Variants in CHRNA7 observed in about 807,000 individuals in gnomAD.
CHRNA7 encodes cholinergic receptor nicotinic alpha 7 subunit.
CHRNA7 carries 17 observed loss-of-function variants against 48.0 expected under a neutral mutation model. The ratio of observed to expected loss-of-function variants is 0.35; its 90% CI spans 0.24 to 0.53. The LOEUF (loss-of-function observed/expected upper bound fraction) is 0.53, where lower values mean the gene tolerates loss of function less well. CHRNA7 is among the 20% of genes least tolerant of loss of function. The pLI is 0.92. For missense variants in CHRNA7, 155 were observed against 577.7 expected (o/e 0.27, Z 7.50); for synonymous variants, 75 against 242.3 (o/e 0.31, Z 6.41).
intron 2 of CHRNA7, among the ~76,000 whole-genome samples, chr15:32,042,698 T>C (rs1240602744): frequency 6.6e-6 from 1 of 152,202 alleles, no homozygotes; most frequent in Non-Finnish European, 1.5e-5. Flanking sequence ...TGTATGTCCC[T>C]GTTTGTCCCC....
intron 2 of CHRNA7, among the ~76,000 whole-genome samples, chr15:32,098,413 G>A (rs1346281745): frequency 6.6e-6 from 1 of 152,186 alleles, no homozygotes; most frequent in Non-Finnish European, 1.5e-5. Flanking sequence ...CACGGCACCT[G>A]CAGACCTATT....
intron 4 of CHRNA7, among the ~76,000 whole-genome samples, chr15:32,130,334 G>A (rs767661620): frequency 6.6e-5 from 10 of 151,772 alleles, no homozygotes; most frequent in Non-Finnish European, 1.0e-4. Flanking sequence ...CATCAGTTCT[G>A]GGGTCATGTA....
chr15:32,148,960 G>T (rs373204447), intron 4 of CHRNA7, among the ~76,000 whole-genome samples: 1 of 152,170 alleles, frequency 6.6e-6, no homozygotes, highest in Non-Finnish European at 1.5e-5. Flanking sequence ...CTAAGGACAC[G>T]TAGCTTGCGT....
intron 2 of CHRNA7, among the ~76,000 whole-genome samples, chr15:32,068,340 A>G (rs1051046058): frequency 2.0e-5 from 3 of 152,078 alleles, no homozygotes; most frequent in Non-Finnish European, 4.4e-5. Flanking sequence ...TGTAAATTCT[A>G]CTTTATCAGA....
Position 32,149,425 on chromosome 15 carries a change from A to C in CHRNA7, c.351-4482A>C, listed in dbSNP as rs1015927360. On this transcript the variant is annotated intron_variant, in intron 4 of 9. Transcript: ENST00000306901. This position sits in a 1 kb window ranked among gnomAD's most constrained non-coding sequence, Gnocchi z 4.6. ...GTCCTCATAGGGGTTCTGGCCACTCACATTTCCGAGGTTCTTCATTTCCCA... is the reference window on the plus strand; with the variant it reads ...GTCCTCATAGGGGTTCTGGCCACTCCCATTTCCGAGGTTCTTCATTTCCCA... Among the ~76,000 whole-genome samples, 1 of 152,160 alleles carries C rather than the reference A, an allele frequency of 6.6e-6. No homozygotes were observed. Among genetic ancestry groups the C allele is most frequent in the African/African-American group, 2.4e-5 (1 of 41,452 alleles).
chr15:32,074,600 GT>G (rs963638800), intron 2 of CHRNA7, among the ~76,000 whole-genome samples: 2 of 148,912 alleles, frequency 1.3e-5, no homozygotes, highest in African/African-American at 4.9e-5. Flanking sequence ...TCGTCAGATG[GT>G]TTTTTCTGCG....
Position 32,170,642 on chromosome 15 carries a change from TAATA to T in CHRNA7, c.*2187_*2190del, listed in dbSNP as rs1247765706. The T allele has an allele frequency of 8.0e-6, 1 of 125,334 alleles. No individual in the cohort carries two copies. The highest frequency in any genetic ancestry group is 2.7e-5 in the African/African-American group (1 of 36,864). 7.8% of individuals were successfully genotyped at this position (125,334 alleles called of 1,614,324 possible). On this transcript the variant is annotated 3_prime_UTR_variant, in exon 10 of 10. Transcript: ENST00000306901. ...ACTCTCAAATAACTTCTCTGTCCTT[TAATA>T]AAGTAATAATAAGGAATAGATGTGC... is the stretch of plus-strand genomic sequence containing the variant.
chr15:32,115,337 G>A (rs780127410), intron 4 of CHRNA7, among the ~76,000 whole-genome samples: 1 of 152,206 alleles, frequency 6.6e-6, no homozygotes, highest in Admixed American at 6.5e-5. Context: ...TCCGCCATGT[G>A]CCTGCTGAAA....
chr15:32,039,435 C>G (rs773572045), intron 2 of CHRNA7, among the ~76,000 whole-genome samples: 4 of 152,094 alleles, frequency 2.6e-5, no homozygotes, highest in Non-Finnish European at 5.9e-5. Context: ...TTTGCTGCAT[C>G]CCACAAATTT....
intron 2 of CHRNA7, among the ~76,000 whole-genome samples, chr15:32,036,596 G>A (rs986911599): frequency 3.2e-4 from 49 of 152,220 alleles, no homozygotes; most frequent in African/African-American, 1.1e-3. Context: ...TCAGCATTTG[G>A]TGTTGTCAGT....
intron 4 of CHRNA7, among the ~76,000 whole-genome samples, chr15:32,151,758 GA>G (rs1264411250): frequency 6.6e-6 from 1 of 152,078 alleles, no homozygotes; most frequent in African/African-American, 2.4e-5. Flanking sequence ...ACTTTTTTAA[GA>G]AGTGATTTTT....
intron 4 of CHRNA7, among the ~76,000 whole-genome samples, chr15:32,150,975 C>T (rs1016657419): frequency 2.0e-5 from 3 of 152,058 alleles, no homozygotes; most frequent in African/African-American, 7.2e-5. Context: ...TTCATGACAA[C>T]TTGGCTCTCG....
At chr15:32,111,610 C>T in intron 3 of CHRNA7, 180 bp from the exon 4 acceptor site, 1 of 558,284 alleles carries the variant, frequency 1.8e-6, no homozygotes, top group Non-Finnish European at 3.2e-6. Context: ...GTTTTATGCT[C>T]TTCACAGTCA....
intron 3 of CHRNA7, among the ~76,000 whole-genome samples, chr15:32,105,023 C>T (rs1271272030): frequency 6.6e-6 from 1 of 152,202 alleles, no homozygotes; most frequent in Non-Finnish European, 1.5e-5. Flanking sequence ...AAAAATGTAA[C>T]TGGATTATTA....
intron 3 of CHRNA7, among the ~76,000 whole-genome samples, chr15:32,107,401 A>G (rs1595454605): frequency 6.6e-6 from 1 of 151,850 alleles, no homozygotes; most frequent in East Asian, 1.9e-4. Flanking sequence ...TCAGGAAAAT[A>G]CTTTGCTTAC....
At chr15:32,144,880 G>A (rs1355182239) in intron 4 of CHRNA7, among the ~76,000 whole-genome samples, 2 of 152,164 alleles carry the variant, frequency 1.3e-5, no homozygotes, top group Non-Finnish European at 2.9e-5. Flanking sequence ...TTAGCTTGGA[G>A]AAGTTTCTTA....
In CHRNA7 at chr15:32,030,971, C is replaced by T. The variant is rs769072651; in HGVS notation, c.129C>T (p.Pro43=). 3 of 1,614,092 alleles carry T rather than the reference C, an allele frequency of 1.9e-6. No individual in the cohort carries two copies. The highest frequency in any genetic ancestry group is 2.2e-5 in the East Asian group (1 of 44,876). The stretch of plus-strand genomic sequence containing the variant: ...AGAACTACAATCCCTTGGAGAGGCC[C>T]GTGGCCAATGACTCGCAACCACTCA... ...LVKNYNPLER[P]VANDSQPLTV... Residue 43 remains proline (P), a synonymous_variant, in exon 2 of 10, where the codon CCC becomes CCT. Transcript: ENST00000306901.
rs761170836 is a variant in CHRNA7, at chr15:32,030,882, G to T, written c.56-16G>T. 1.9e-6 allele frequency: 3 copies of T among 1,612,688 alleles called. No homozygotes were observed. The highest frequency in any genetic ancestry group is 2.7e-5 in the African/African-American group (2 of 74,906). ...GGCCTGCCCTGAGCCCCCTGCCCGGGTCTTCTCTCCTTAAGTGTCCCTGCA... is the reference window on the plus strand; with the variant it reads ...GGCCTGCCCTGAGCCCCCTGCCCGGTTCTTCTCTCCTTAAGTGTCCCTGCA... On this transcript the variant is annotated splice_polypyrimidine_tract_variant and intron_variant, in intron 1 of 9. Coordinates refer to ENST00000306901, the MANE Select transcript of CHRNA7 (RefSeq NM_000746.6).
intron 3 of CHRNA7, among the ~76,000 whole-genome samples, chr15:32,109,377 A>G (rs1323519494): frequency 1.3e-5 from 2 of 152,134 alleles, no homozygotes; most frequent in Non-Finnish European, 2.9e-5. Flanking sequence ...TTTATCAGCA[A>G]GGTCTTTATG....
Sources: allele counts gnomAD v4.1 joint callset (sites outside exome capture counted in the v4.1 genomes callset), GRCh38; gene constraint gnomAD v4.1.1; non-coding constraint Gnocchi (gnomAD v3.1); transcripts MANE v1.5; gene names NCBI Gene and HGNC (gene_info 2026-07-23, HGNC 2026-07-21).